The following LINGO2 variants were observed in gnomAD, a reference collection of about 807,000 sequenced individuals.
LINGO2 encodes leucine-rich repeat and immunoglobulin-like domain-containing nogo receptor-interacting protein 2.
In LINGO2, 14 loss-of-function variants were observed where a neutral mutation model predicts 30.6. The ratio of observed to expected loss-of-function variants is 0.46; its 90% CI spans 0.30 to 0.72. LINGO2 has a LOEUF of 0.72. Ranked by LOEUF, LINGO2 falls within the 30% of genes least tolerant of loss-of-function variation. LINGO2 has a pLI of 0.07. For missense variants in LINGO2, 729 were observed against 751.7 expected (o/e 0.97, Z 0.35); for synonymous variants, 317 against 288.5 (o/e 1.10, Z -1.00).
chr9:28,174,113 T>C (rs959973160), intron 4 of LINGO2, among the ~76,000 whole-genome samples: 2 of 152,212 alleles, frequency 1.3e-5, no homozygotes, highest in Admixed American at 6.5e-5. Context: ...GGAAAATGCA[T>C]ACACCATATT....
intron 3 of LINGO2, among the ~76,000 whole-genome samples, chr9:28,363,738 A>G (rs542624421): frequency 2.8e-4 from 42 of 152,120 alleles, no homozygotes; most frequent in Non-Finnish European, 5.1e-4. Flanking sequence ...AATTTCTACT[A>G]TTATCTTCAT....
At chr9:28,504,109 A>G (rs1482945313) in intron 1 of LINGO2, among the ~76,000 whole-genome samples, 1 of 151,870 alleles carries the variant, frequency 6.6e-6, no homozygotes, top group African/African-American at 2.4e-5. Context: ...TAACAGTTAG[A>G]CCTCAAAACA....
intron 1 of LINGO2, among the ~76,000 whole-genome samples, chr9:28,515,741 C>A (rs1314529243): frequency 6.6e-6 from 1 of 152,138 alleles, no homozygotes; most frequent in African/African-American, 2.4e-5. Context: ...GAAATGACAA[C>A]AAAGGATTTT....
chr9:28,847,822 T>C, the LINGO2 span, among the ~76,000 whole-genome samples: 8 of 38,344 alleles, frequency 2.1e-4, 2 homozygotes, highest in Non-Finnish European at 1.8e-4. Flanking sequence ...TATATATACA[T>C]ATATATGTAT....
At chr9:28,556,451 A>G (rs990026547) in intron 1 of LINGO2, among the ~76,000 whole-genome samples, 1 of 152,116 alleles carries the variant, frequency 6.6e-6, no homozygotes, top group African/African-American at 2.4e-5. Context: ...GATGTGAAGG[A>G]CCTCTTCAAA....
At chr9:28,361,019 A>T (rs1347201037) in intron 3 of LINGO2, among the ~76,000 whole-genome samples, 1 of 152,220 alleles carries the variant, frequency 6.6e-6, no homozygotes, top group Non-Finnish European at 1.5e-5. Context: ...AAAAATCCAG[A>T]CATAAAAAAT....
At chr9:29,089,306 G>T in the LINGO2 span, among the ~76,000 whole-genome samples, 1 of 151,546 alleles carries the variant, frequency 6.6e-6, no homozygotes, top group African/African-American at 2.4e-5. Context: ...AGTAGTTTTG[G>T]TTGAACAATA....
chr9:28,936,776 CAT>C, the LINGO2 span, among the ~76,000 whole-genome samples: 1 of 152,298 alleles, frequency 6.6e-6, no homozygotes, highest in East Asian at 1.9e-4. Context: ...CACATTTGAA[CAT>C]ATTGTATTTG....
At chr9:28,957,158 A>C in the LINGO2 span, among the ~76,000 whole-genome samples, 18 of 152,072 alleles carry the variant, frequency 1.2e-4, no homozygotes, top group African/African-American at 4.1e-4. Context: ...GTCTCTTTGG[A>C]TATCATCAGC....
intron 5 of LINGO2, among the ~76,000 whole-genome samples, chr9:27,982,665 G>A (rs1332723412): frequency 6.6e-6 from 1 of 151,868 alleles, no homozygotes; most frequent in Non-Finnish European, 1.5e-5. Context: ...TTAAAACTGA[G>A]TAATCTGATT....
chr9:29,090,658 T>C, the LINGO2 span, among the ~76,000 whole-genome samples: 2 of 152,054 alleles, frequency 1.3e-5, no homozygotes, highest in South Asian at 4.1e-4. Context: ...AACCAATTCT[T>C]GTTATGATTT....
chr9:28,548,119 T>G (rs575495632), intron 1 of LINGO2, among the ~76,000 whole-genome samples: 1 of 152,084 alleles, frequency 6.6e-6, no homozygotes, highest in Admixed American at 6.6e-5. Context: ...GAAACTTTCC[T>G]TTAAGGAACC....
At chr9:28,826,081 T>C in the LINGO2 span, among the ~76,000 whole-genome samples, 1 of 152,166 alleles carries the variant, frequency 6.6e-6, no homozygotes, top group Non-Finnish European at 1.5e-5. Flanking sequence ...GTCAAGATGA[T>C]ATCTAAAGTA....
chr9:27,950,887 T>C (rs1281733749), intron 5 of LINGO2, among the ~76,000 whole-genome samples, 181 bp from the exon 7 acceptor site: 1 of 151,414 alleles, frequency 6.6e-6, no homozygotes, highest in African/African-American at 2.5e-5. Flanking sequence ...AGTTATTTAA[T>C]CTCTCTGCAT....
intron 4 of LINGO2, among the ~76,000 whole-genome samples, chr9:28,047,038 T>C (rs1200134274): frequency 6.6e-6 from 1 of 152,082 alleles, no homozygotes; most frequent in Non-Finnish European, 1.5e-5. Context: ...CCCTAAGTAA[T>C]GCTTAGCAGA....
the LINGO2 span, among the ~76,000 whole-genome samples, chr9:29,077,307 T>C: frequency 6.6e-6 from 1 of 151,986 alleles, no homozygotes; most frequent in Non-Finnish European, 1.5e-5. Context: ...AAGAAACAAA[T>C]ATGATCTAGA....
At chr9:28,346,613 C>T (rs181426669) in intron 3 of LINGO2, among the ~76,000 whole-genome samples, 18 of 152,242 alleles carry the variant, frequency 1.2e-4, no homozygotes, top group Non-Finnish European at 2.1e-4. Flanking sequence ...GGAATTGCCA[C>T]GCTGCTTTCC....
chr9:28,631,050 G>A (rs1255527249), intron 1 of LINGO2, among the ~76,000 whole-genome samples: 1 of 151,786 alleles, frequency 6.6e-6, no homozygotes, highest in Non-Finnish European at 1.5e-5. Context: ...GCAACAGTAT[G>A]TAAATCTATA....
At chr9:28,950,940 C>A in the LINGO2 span, among the ~76,000 whole-genome samples, 5 of 152,258 alleles carry the variant, frequency 3.3e-5, no homozygotes, top group East Asian at 9.7e-4. Context: ...CCAAGACAAT[C>A]CTAAGCAAAA....
Sources: gnomAD v4.1 joint callset for allele counts (sites outside exome capture counted in the v4.1 genomes callset) on GRCh38, gnomAD v4.1.1 for gene constraint, MANE v1.5 for transcripts, NCBI Gene and HGNC (gene_info 2026-07-23, HGNC 2026-07-21) for gene names.